PDCD4: variants seen among roughly 807,000 people sequenced by gnomAD.
The protein encoded by PDCD4 is programmed cell death protein 4.
Under a neutral mutation model 54.0 loss-of-function variants are expected in PDCD4, and 56 were observed. The observed-to-expected ratio is 1.04, with a 90% CI of 0.84 to 1.30. The LOEUF (loss-of-function observed/expected upper bound fraction) is 1.30, where lower values mean the gene tolerates loss of function less well. Among genes scored for constraint, PDCD4 ranks in the 50% most tolerant of loss-of-function variants. PDCD4 has a pLI of 0.00. For missense variants in PDCD4, 584 were observed against 559.8 expected (o/e 1.04, Z -0.44); for synonymous variants, 186 against 194.8 (o/e 0.95, Z 0.37).
intron 4 of PDCD4, among the ~76,000 whole-genome samples, chr10:110,884,462 A>G (rs1311694000): frequency 6.6e-6 from 1 of 151,974 alleles, no homozygotes; most frequent in African/African-American, 2.4e-5. Context: ...TTTTTTCCTT[A>G]GAGATTTTTT....
chr10:110,896,828 G>GT (rs1320533676), intron 11 of PDCD4, among the ~76,000 whole-genome samples: 1 of 152,016 alleles, frequency 6.6e-6, no homozygotes, highest in African/African-American at 2.4e-5. Context: ...TAAGTGCATT[G>GT]TAAGAATTAA....
At chr10:110,891,774 G>T (rs1180842300) in intron 8 of PDCD4, among the ~76,000 whole-genome samples, 1 of 152,096 alleles carries the variant, frequency 6.6e-6, no homozygotes, top group Non-Finnish European at 1.5e-5. Flanking sequence ...GTCAGTGTTT[G>T]TAATGTCGTG....
chr10:110,891,199 G>GT (rs1336077029), intron 8 of PDCD4, among the ~76,000 whole-genome samples: 29 of 152,018 alleles, frequency 1.9e-4, no homozygotes, highest in Non-Finnish European at 1.5e-4. Flanking sequence ...GAGGCCAGGA[G>GT]TTTGAGACCA....
At chr10:110,879,909 G>A (rs568156143) in intron 2 of PDCD4, among the ~76,000 whole-genome samples, 3 of 152,276 alleles carry the variant, frequency 2.0e-5, no homozygotes, top group Admixed American at 6.5e-5. Context: ...TTATAGGTTG[G>A]TGAAAATTTT....
intron 1 of PDCD4, among the ~76,000 whole-genome samples, chr10:110,873,672 A>G (rs1020911963): frequency 2.0e-5 from 3 of 152,180 alleles, no homozygotes; most frequent in African/African-American, 7.2e-5. Flanking sequence ...TGTTTGGGCC[A>G]ATTAAGGGTT....
At chr10:110,887,245 A>G (rs1009008510) in intron 5 of PDCD4, among the ~76,000 whole-genome samples, 3 of 152,268 alleles carry the variant, frequency 2.0e-5, no homozygotes, top group South Asian at 2.1e-4. Context: ...AACATACTAT[A>G]CAGGTTTGTA....
intron 3 of PDCD4, among the ~76,000 whole-genome samples, chr10:110,882,678 G>A (rs1035367769): frequency 2.6e-5 from 4 of 152,046 alleles, no homozygotes; most frequent in African/African-American, 7.2e-5. Flanking sequence ...AAGAAATGTC[G>A]AATAAAATTT....
In PDCD4 at chr10:110,896,003, C is replaced by T; in HGVS notation, c.1265C>T (p.Ser422Leu). 6.2e-7 allele frequency: 1 copy of T among 1,607,980 alleles called. No homozygotes were observed. The highest frequency in any genetic ancestry group is 1.1e-5 in the South Asian group (1 of 90,764). Residue 422 changes from serine (S) to leucine (L), a missense_variant, in exon 11 of 12, where the codon TCA becomes TTA. Coordinates refer to ENST00000280154, the MANE Select transcript of PDCD4 (RefSeq NM_014456.5). ...IPDINLDVPH[S>L]YSVLERFVEE... ...GACATTAATCTGGATGTCCCACATT[C>T]ATACTCTGTGCTGGAGCGGTTTGTA...
intron 10 of PDCD4, 38 bp downstream of exon 10, chr10:110,894,560 A>G (rs376023980): frequency 2.2e-6 from 2 of 891,468 alleles, no homozygotes; most frequent in Non-Finnish European, 3.7e-6. Context: ...TTGTAGGATT[A>G]TGTCTTAAAT....
chr10:110,882,348 C>T (rs1289157934), intron 3 of PDCD4, among the ~76,000 whole-genome samples: 1 of 152,048 alleles, frequency 6.6e-6, no homozygotes, highest in Non-Finnish European at 1.5e-5. Context: ...TACATTAGTC[C>T]TTAAAACATT....
chr10:110,873,829 T>C (rs1330313967), intron 1 of PDCD4, among the ~76,000 whole-genome samples: 1 of 151,998 alleles, frequency 6.6e-6, no homozygotes, highest in African/African-American at 2.4e-5. Flanking sequence ...CACAGGACTA[T>C]TTTTTTTATT....
chr10:110,872,323 C>T (rs1040570738), intron 1 of PDCD4: 1 of 152,408 alleles, frequency 6.6e-6, no homozygotes, highest in African/African-American at 2.4e-5. Context: ...GAGAGGGGCG[C>T]GCGAGGCGCT....
At chr10:110,872,456 G>GC (rs1263174117) in intron 1 of PDCD4, among the ~76,000 whole-genome samples, 17 of 152,026 alleles carry the variant, frequency 1.1e-4, no homozygotes, top group Admixed American at 1.1e-3. Context: ...CGCCCTCCCC[G>GC]CCCCCTGCCC....
chr10:110,885,338 T>C lies in PDCD4; in HGVS notation c.527T>C (p.Phe176Ser). 6.3e-7 allele frequency: 1 copy of C among 1,582,980 alleles called. No homozygotes were observed. Among genetic ancestry groups the C allele is most frequent in the Non-Finnish European group, 8.7e-7 (1 of 1,154,986 alleles). The change falls in exon 5 of 12, where the codon TTT becomes TCT. Residue 176 changes from phenylalanine (F) to serine (S), a missense_variant. Coordinates refer to ENST00000280154, the MANE Select transcript of PDCD4 (RefSeq NM_014456.5). ...KTLTPIIQEY[F>S]EHGDTNEVAE... ...TTAACACCAATCATACAGGAATATT[T>C]TGAGCATGGAGATACTAATGAAGTT...
Position 110,898,184 on chromosome 10 carries a change from C to G in PDCD4, c.*96C>G. The G allele has an allele frequency of 1.8e-6, 1 of 549,190 alleles. No individual in the cohort carries two copies. The highest frequency in any genetic ancestry group is 2.9e-6 in the Non-Finnish European group (1 of 345,402). 34.0% of individuals were successfully genotyped at this position (549,190 alleles called of 1,614,324 possible). On this transcript the variant is annotated 3_prime_UTR_variant, in exon 12 of 12. Transcript: ENST00000280154. ...TTTTTTTTTTTTTTTTTTTTAAGCACTTGTTTTGGGTACAAGGCATTTCTG... is the reference window on the plus strand; with the variant it reads ...TTTTTTTTTTTTTTTTTTTTAAGCAGTTGTTTTGGGTACAAGGCATTTCTG...
At chr10:110,897,073 C>G (rs540097189) in intron 11 of PDCD4, among the ~76,000 whole-genome samples, 1 of 152,276 alleles carries the variant, frequency 6.6e-6, no homozygotes, top group African/African-American at 2.4e-5. Flanking sequence ...CATTCCCTAC[C>G]TTGGTCTCAT....
In PDCD4 at chr10:110,885,255, G is replaced by T; in HGVS notation, c.444G>T (p.Glu148Asp). The T allele has an allele frequency of 6.8e-7, 1 of 1,471,960 alleles. No individual in the cohort carries two copies. Among genetic ancestry groups the T allele is most frequent in the Non-Finnish European group, 9.5e-7 (1 of 1,057,722 alleles). 91.2% of individuals were successfully genotyped at this position (1,471,960 alleles called of 1,614,324 possible). A position where few individuals can be genotyped will look rare whatever the true frequency, so the allele number is the denominator to read the frequency against. Residue 148 changes from glutamate to aspartate, a missense_variant and splice_region_variant, in exon 5 of 12, where the codon GAG becomes GAT. By Grantham distance (45) the Glu-to-Asp change is conservative. Coordinates refer to ENST00000280154, the MANE Select transcript of PDCD4 (RefSeq NM_014456.5). ...CTTACTCCCTTTTCCCCTCAAAGGA[G>T]AACTGTGTTTATGAAACTGTAGTTT... The part of the protein sequence containing the change: ...VKDPNYDDDQ[E>D]NCVYETVVLP...
In PDCD4 at chr10:110,890,603, G is replaced by GA; in HGVS notation, c.926dup (p.Arg310AlafsTer2). On this transcript the variant is annotated frameshift_variant, in exon 8 of 12. Coordinates refer to ENST00000280154, the MANE Select transcript of PDCD4 (RefSeq NM_014456.5). LOFTEE classifies it high-confidence loss of function. ...GTGCTTCTGAGTATGTCTAAAGGTG[G>GA]AAAGCGTAAAGATAGTGTGTGGGGC... 7 of 1,613,718 alleles carry GA rather than the reference G, an allele frequency of 4.3e-6. No homozygotes were observed. Among genetic ancestry groups the GA allele is most frequent in the Non-Finnish European group, 5.9e-6 (7 of 1,179,738 alleles).
At chr10:110,874,708 A>G (rs914370130) in intron 1 of PDCD4, among the ~76,000 whole-genome samples, 1 of 152,142 alleles carries the variant, frequency 6.6e-6, no homozygotes, top group African/African-American at 2.4e-5. Flanking sequence ...ATTTTAACAT[A>G]AGGTCCATTT....
Sources: allele counts gnomAD v4.1 joint callset (sites outside exome capture counted in the v4.1 genomes callset), GRCh38; gene constraint gnomAD v4.1.1; transcripts MANE v1.5; gene names NCBI Gene and HGNC (gene_info 2026-07-23, HGNC 2026-07-21).